AFF4: variants seen among roughly 807,000 people sequenced by gnomAD.
AFF4 encodes AF4/FMR2 family member 4.
A neutral mutation model predicts 124.8 loss-of-function variants in AFF4; 13 were observed. The ratio of observed to expected loss-of-function variants is 0.10; its 90% confidence interval spans 0.07 to 0.17. The LOEUF (loss-of-function observed/expected upper bound fraction) is 0.17. Ranked by LOEUF, AFF4 falls within the 10% of genes least tolerant of loss-of-function variation. AFF4 has a pLI of 1.00. For missense variants in AFF4, 1,092 were observed against 1,403.8 expected, an observed-to-expected ratio of 0.78 and a Z score of 3.55; for synonymous variants, 477 against 496.1, an observed-to-expected ratio of 0.96 and a Z score of 0.51.
intron 11 of AFF4, among the ~76,000 whole-genome samples, chr5:132,894,641 G>C (rs1257078725): frequency 6.6e-6 from 1 of 152,120 alleles, no homozygotes. Flanking sequence ...TACTGCCCTT[G>C]ACACTTTATA....
chr5:132,939,190 C>A (rs1407029168), intron 1 of AFF4, among the ~76,000 whole-genome samples: 1 of 143,150 alleles, frequency 7.0e-6, no homozygotes, highest in South Asian at 2.2e-4. Context: ...GATCTCCAGC[C>A]TGGGAGACAG....
intron 1 of AFF4, among the ~76,000 whole-genome samples, chr5:132,961,356 A>G (rs1194467169): frequency 6.6e-6 from 1 of 152,092 alleles, no homozygotes; most frequent in Non-Finnish European, 1.5e-5. Context: ...AGCTAGAACT[A>G]CAGGTGTGCA....
chr5:132,915,365 A>G (rs530374061), intron 5 of AFF4, among the ~76,000 whole-genome samples: 1 of 151,914 alleles, frequency 6.6e-6, no homozygotes, highest in South Asian at 2.1e-4. Flanking sequence ...AAGAAAAAAT[A>G]CCATTTCTAT....
chr5:132,918,301 C>T (rs1264754507), intron 5 of AFF4, among the ~76,000 whole-genome samples: 1 of 151,952 alleles, frequency 6.6e-6, no homozygotes, highest in Non-Finnish European at 1.5e-5. Context: ...GCTGAGGCTA[C>T]AGTGAGCCAA....
At chr5:132,924,307 A>G (rs1275794093) in intron 5 of AFF4, among the ~76,000 whole-genome samples, 1 of 152,190 alleles carries the variant, frequency 6.6e-6, no homozygotes, top group African/African-American at 2.4e-5. Flanking sequence ...AACATGGAAG[A>G]ATTACAAAAC....
At chr5:132,956,633 G>GAA (rs745801334) in intron 1 of AFF4, among the ~76,000 whole-genome samples, 70 of 94,576 alleles carry the variant, frequency 7.4e-4, no homozygotes, top group African/African-American at 1.9e-3. Flanking sequence ...CTCCATCTCA[G>GAA]AAAAAAAAAA....
intron 1 of AFF4, among the ~76,000 whole-genome samples, chr5:132,942,022 A>G (rs1238022652): frequency 6.6e-6 from 1 of 151,870 alleles, no homozygotes; most frequent in African/African-American, 2.4e-5. Flanking sequence ...AAAAAAAAAA[A>G]AGTAAGCAAT....
At chr5:132,955,644 G>A (rs2150113387) in intron 1 of AFF4, among the ~76,000 whole-genome samples, 1 of 151,740 alleles carries the variant, frequency 6.6e-6, no homozygotes, top group South Asian at 2.1e-4. Context: ...CGGGCGTGGT[G>A]GCGGGCGCCT....
At chr5:132,899,668 A>AT in intron 7 of AFF4, 27 bp from the exon 8 acceptor site, 1 of 1,591,968 alleles carries the variant, frequency 6.3e-7, no homozygotes, top group African/African-American at 1.3e-5. Flanking sequence ...AAGAATTATT[A>AT]TTTTTGGAAC....
intron 5 of AFF4, among the ~76,000 whole-genome samples, chr5:132,919,168 G>A (rs896253008): frequency 1.3e-5 from 2 of 152,184 alleles, no homozygotes; most frequent in African/African-American, 4.8e-5. Context: ...TTACAGGTGT[G>A]AGCCACTGTG....
chr5:132,876,154 CT>C lies in AFF4; in HGVS notation c.*4904del. On this transcript the variant is annotated 3_prime_UTR_variant, in exon 21 of 21. Transcript: ENST00000265343. ...CACAACTGGCCCTTAAAGGTGGTGC[CT>C]TTTCAGGCAATGTCAACTGGCCAGT... 2 of 231,560 alleles carry C rather than the reference CT, an allele frequency of 8.6e-6. No homozygotes were observed. The highest frequency in any genetic ancestry group is 1.8e-4 in the South Asian group (1 of 5,528). 14.3% of individuals were successfully genotyped at this position (231,560 alleles called of 1,614,324 possible). A position where few individuals can be genotyped will look rare whatever the true frequency, so the allele number is the denominator to read the frequency against.
intron 5 of AFF4, 167 bp downstream of exon 5, chr5:132,926,954 A>T (rs955238386): frequency 1.7e-6 from 1 of 576,104 alleles, no homozygotes; most frequent in East Asian, 3.1e-5. Context: ...TACCCTGCTA[A>T]TTATCTTCAT....
chr5:132,959,798 T>G (rs1237966842), intron 1 of AFF4, among the ~76,000 whole-genome samples: 1 of 124,774 alleles, frequency 8.0e-6, no homozygotes, highest in Non-Finnish European at 1.6e-5. Context: ...GGAGTCTCGC[T>G]CTGTTGCCCA....
At chr5:132,949,997 T>C (rs1294996408) in intron 1 of AFF4, among the ~76,000 whole-genome samples, 1 of 151,740 alleles carries the variant, frequency 6.6e-6, no homozygotes, top group Non-Finnish European at 1.5e-5. Flanking sequence ...CACTCCAGCA[T>C]GGCCAACAGA....
intron 1 of AFF4, among the ~76,000 whole-genome samples, chr5:132,941,865 G>C (rs976855830): frequency 2.0e-5 from 3 of 152,078 alleles, no homozygotes; most frequent in African/African-American, 4.8e-5. Flanking sequence ...AAAATTGACA[G>C]GGCATGGTGG....
chr5:132,931,413 A>G (rs1761297473), intron 4 of AFF4, among the ~76,000 whole-genome samples: 1 of 152,186 alleles, frequency 6.6e-6, no homozygotes, highest in East Asian at 1.9e-4. Flanking sequence ...TGGGTAACAG[A>G]GTGAGACTCC....
intron 2 of AFF4, among the ~76,000 whole-genome samples, chr5:132,936,142 C>T (rs1218004349): frequency 6.6e-6 from 1 of 151,576 alleles, no homozygotes; most frequent in Non-Finnish European, 1.5e-5. Context: ...TGGCAGGCGC[C>T]TGTAGTCCCA....
intron 5 of AFF4, among the ~76,000 whole-genome samples, chr5:132,904,836 G>T (rs1473585540): frequency 2.0e-5 from 3 of 152,038 alleles, no homozygotes; most frequent in Non-Finnish European, 4.4e-5. Flanking sequence ...GGATCATGAG[G>T]TCAGGAGATC....
Position 132,881,833 on chromosome 5 carries a change from T to G in AFF4, c.3365-647A>C, listed in dbSNP as rs930684834. ...AAATATAAAATACAAAAAAGTTTTT[T>G]TTTTTTTTTTTTAGTAGAGATGGGG... On this transcript the variant is annotated intron_variant, in intron 20 of 20. Coordinates refer to ENST00000265343, the MANE Select transcript of AFF4 (RefSeq NM_014423.4). Among the ~76,000 whole-genome samples the G allele has an allele frequency of 5.3e-5, 8 of 151,748 alleles. No homozygotes were observed. In the South Asian group the frequency reaches 1.5e-3, roughly 28 times the overall value.
Sources: gnomAD v4.1 joint callset for allele counts (sites outside exome capture counted in the v4.1 genomes callset) on GRCh38, gnomAD v4.1.1 for gene constraint, MANE v1.5 for transcripts, NCBI Gene and HGNC (gene_info 2026-07-23, HGNC 2026-07-21) for gene names.